Variants in CBLN2 observed in about 807,000 individuals in gnomAD.
CBLN2 encodes cerebellin 2 precursor, also known as cerebellin-2.
In CBLN2, 7 loss-of-function variants were observed where a neutral mutation model predicts 15.0. The ratio of observed to expected loss-of-function variants is 0.47; its 90% CI spans 0.27 to 0.88. The LOEUF (loss-of-function observed/expected upper bound fraction) is 0.88. Among genes scored for constraint, CBLN2 ranks in the 40% least tolerant of loss-of-function variants. The pLI is 0.14. For missense variants in CBLN2, 242 were observed against 304.5 expected (o/e 0.79, Z 1.53); for synonymous variants, 149 against 135.2 (o/e 1.10, Z -0.71).
At chr18:72,611,927 G>A (rs1285084673) in intron 1 of CBLN2, among the ~76,000 whole-genome samples, 1 of 152,160 alleles carries the variant, frequency 6.6e-6, no homozygotes, top group Non-Finnish European at 1.5e-5. Context: ...TATGGTGAGA[G>A]ATAAAGATCC....
At chr18:72,540,056 C>T (rs915088358) in intron 3 of CBLN2, 5 of 152,200 alleles carry the variant, frequency 3.3e-5, no homozygotes, top group Non-Finnish European at 7.3e-5. Flanking sequence ...TTCAGCTCCA[C>T]TCAAGGGCAG....
intron 1 of CBLN2, among the ~76,000 whole-genome samples, chr18:72,604,759 T>C (rs1348106917): frequency 3.3e-5 from 5 of 152,220 alleles, no homozygotes; most frequent in Non-Finnish European, 7.3e-5. Flanking sequence ...TGCCACGTGA[T>C]GCCCTCTGCA....
chr18:72,577,772 C>T (rs2069377598), intron 1 of CBLN2, among the ~76,000 whole-genome samples: 2 of 152,246 alleles, frequency 1.3e-5, no homozygotes, highest in Admixed American at 6.5e-5. Context: ...TCGTGAGTTG[C>T]ACATTTCAAT....
intron 1 of CBLN2, among the ~76,000 whole-genome samples, chr18:72,567,671 T>A (rs1315269952): frequency 2.0e-5 from 3 of 152,226 alleles, no homozygotes; most frequent in Non-Finnish European, 4.4e-5. Flanking sequence ...TGAGTTCTCA[T>A]CTTCCCTCTT....
chr18:72,608,461 T>G (rs936316386), intron 1 of CBLN2, among the ~76,000 whole-genome samples: 19 of 152,312 alleles, frequency 1.2e-4, no homozygotes, highest in Admixed American at 1.3e-4. Flanking sequence ...AACAGGCACC[T>G]GGGTGCACTT....
intron 1 of CBLN2, among the ~76,000 whole-genome samples, chr18:72,555,702 T>C (rs2069222965): frequency 1.3e-5 from 2 of 152,308 alleles, no homozygotes; most frequent in African/African-American, 4.8e-5. Context: ...CTACAGAAAC[T>C]GGAACTTAAG....
intron 1 of CBLN2, among the ~76,000 whole-genome samples, chr18:72,627,827 A>C (rs1325052265): frequency 6.6e-6 from 1 of 152,164 alleles, no homozygotes; most frequent in Non-Finnish European, 1.5e-5. Context: ...TTTTAAATAA[A>C]AGTTGTTCTA....
At chr18:72,566,211 G>T (rs1363316963) in intron 1 of CBLN2, among the ~76,000 whole-genome samples, 4 of 152,182 alleles carry the variant, frequency 2.6e-5, no homozygotes, top group African/African-American at 9.7e-5. Context: ...CTTGCACACT[G>T]TTGGTGGGAA....
intron 1 of CBLN2, among the ~76,000 whole-genome samples, chr18:72,578,664 G>A (rs2195805): frequency 0.53 from 81,244 of 151,958 alleles, 26,306 homozygotes; most frequent in Non-Finnish European, 0.73. Context: ...CCAAGCTATT[G>A]AAGTCTTATT....
intron 1 of CBLN2, among the ~76,000 whole-genome samples, chr18:72,616,394 T>C (rs1483277737): frequency 2.6e-5 from 4 of 152,170 alleles, no homozygotes; most frequent in Non-Finnish European, 5.9e-5. Flanking sequence ...GCTTGGGTCA[T>C]ATAGGAACTC....
At chr18:72,631,480 A>G (rs1183194472) in intron 1 of CBLN2, among the ~76,000 whole-genome samples, 1 of 152,116 alleles carries the variant, frequency 6.6e-6, no homozygotes, top group African/African-American at 2.4e-5. Context: ...AACTTATAAA[A>G]TTATTCATTT....
At chr18:72,628,358 C>A (rs2069753801) in intron 1 of CBLN2, among the ~76,000 whole-genome samples, 1 of 152,132 alleles carries the variant, frequency 6.6e-6, no homozygotes, top group Non-Finnish European at 1.5e-5. Context: ...TTAAGGAGGG[C>A]TCTTGGGATC....
chr18:72,637,927 A>T (rs1358387127), intron 1 of CBLN2, among the ~76,000 whole-genome samples: 1 of 152,212 alleles, frequency 6.6e-6, no homozygotes, highest in Non-Finnish European at 1.5e-5. Flanking sequence ...AGCTCTGATG[A>T]GGAGCCAGCC....
intron 1 of CBLN2, among the ~76,000 whole-genome samples, chr18:72,605,763 T>C (rs1453698011): frequency 6.6e-6 from 1 of 152,220 alleles, no homozygotes; most frequent in Non-Finnish European, 1.5e-5. Flanking sequence ...GAGTTACTAC[T>C]AAGAAAATAA....
At chr18:72,626,509 G>T (rs2144973465) in intron 1 of CBLN2, among the ~76,000 whole-genome samples, 1 of 152,090 alleles carries the variant, frequency 6.6e-6, no homozygotes, top group East Asian at 1.9e-4. Context: ...AGACCAGCCT[G>T]GCCAACATGG....
At chr18:72,575,660 G>C (rs1246289850) in intron 1 of CBLN2, among the ~76,000 whole-genome samples, 1 of 152,166 alleles carries the variant, frequency 6.6e-6, no homozygotes, top group Non-Finnish European at 1.5e-5. Context: ...GGAGTCCATA[G>C]GAGCCAGAGG....
chr18:72,558,031 T>C (rs1209003561), intron 1 of CBLN2, among the ~76,000 whole-genome samples: 1 of 152,246 alleles, frequency 6.6e-6, no homozygotes, highest in East Asian at 1.9e-4. Context: ...TCATGAAATA[T>C]GTCACGGAAG....
Position 72,543,574 on chromosome 18 carries a change from A to C in CBLN2, c.-211-44T>G. On this transcript the variant is annotated intron_variant, in intron 1 of 4. Coordinates refer to ENST00000269503, the MANE Select transcript of CBLN2 (RefSeq NM_182511.4). The surrounding 1 kb of genome is among the most constrained non-coding windows in gnomAD (Gnocchi z 6.8). ...GCGAGTGGGAGCTGTCGGGAGGAGG[A>C]CACGGAGCGCGACCCTGCTCCCAGC... 2.5e-6 allele frequency: 1 copy of C among 397,152 alleles called. No homozygotes were observed. The highest frequency in any genetic ancestry group is 4.4e-6 in the Non-Finnish European group (1 of 225,254). The allele number at this position is 397,152 out of a possible 1,614,324, so 24.6% of individuals were successfully genotyped here.
rs1301394899 is a variant in CBLN2, at chr18:72,542,310, G to C, written c.-150C>G. The C allele has an allele frequency of 2.6e-6, 1 of 377,530 alleles. No homozygotes were observed. Among genetic ancestry groups the C allele is most frequent in the Admixed American group, 5.1e-5 (1 of 19,502 alleles). 23.4% of individuals were successfully genotyped at this position (377,530 alleles called of 1,614,324 possible). ...TTCAAGGCCAGGGTCGTTCTCAGAA[G>C]AAAGGCGCCTGTGAACCTGTCAGGG... On this transcript the variant is annotated 5_prime_UTR_variant, in exon 3 of 5. Coordinates refer to ENST00000269503, the MANE Select transcript of CBLN2 (RefSeq NM_182511.4).
Sources: gnomAD v4.1 joint callset for allele counts (sites outside exome capture counted in the v4.1 genomes callset) on GRCh38, gnomAD v4.1.1 for gene constraint, Gnocchi (gnomAD v3.1) non-coding constraint, MANE v1.5 for transcripts, NCBI Gene and HGNC (gene_info 2026-07-23, HGNC 2026-07-21) for gene names.